Variants in NHS observed in about 807,000 individuals in gnomAD.
NHS encodes the protein actin remodeling regulator NHS.
In NHS, 5 loss-of-function variants were observed where a neutral mutation model predicts 72.5. That is an observed-to-expected ratio of 0.07 (90% CI 0.04 to 0.14). The LOEUF is 0.14. NHS is among the 10% of genes least tolerant of loss of function. The pLI is 1.00. For synonymous variants in NHS, 464 were observed against 547.7 expected, an observed-to-expected ratio of 0.85 and a Z score of 2.13; for missense variants, 1,072 against 1,355.7, an observed-to-expected ratio of 0.79 and a Z score of 3.29.
Position 17,521,366 on chromosome X carries a change from C to CTTTTTTT in NHS, c.565+145051_565+145057dup, listed in dbSNP as rs766662277. ...AGTTCTACCTTTTTCTCCCTTCCCT[C>CTTTTTTT]TTTTTTTTTTTTTGAGACAGGGTCT... On this transcript the variant is annotated intron_variant, in intron 1 of 8. Coordinates refer to ENST00000676302, the MANE Select transcript of NHS (RefSeq NM_001291867.2). 2.0e-4 allele frequency among the ~76,000 whole-genome samples: 19 copies of CTTTTTTT among 97,350 alleles called. 1 individual carries two copies. Among genetic ancestry groups the CTTTTTTT allele is most frequent in the African/African-American group, 7.8e-4 (18 of 23,159 alleles). The allele number at this position is 97,350 out of a possible 115,157, so 84.5% of individuals were successfully genotyped here. A position where few individuals can be genotyped will look rare whatever the true frequency, so the allele number is the denominator to read the frequency against.
chrX:17,381,297 A>G (rs1199984355), intron 1 of NHS, among the ~76,000 whole-genome samples: 2 of 111,924 alleles, frequency 1.8e-5, no homozygotes, highest in Non-Finnish European at 3.8e-5. Context: ...AATAAATTTT[A>G]TATTAAAGTT....
chrX:17,389,094 GAAAAATTT>G (rs2064426218), intron 1 of NHS, among the ~76,000 whole-genome samples: 1 of 111,771 alleles, frequency 8.9e-6, no homozygotes, highest in Admixed American at 9.5e-5. Flanking sequence ...TGCTGTCTTG[GAAAAATTT>G]AAAAAGTGTC....
At chrX:17,469,208 A>G (rs1450138319) in intron 1 of NHS, among the ~76,000 whole-genome samples, 10 of 112,249 alleles carry the variant, frequency 8.9e-5, no homozygotes, top group African/African-American at 2.9e-4. Flanking sequence ...GTATTGATCC[A>G]GTCTGCTCTC....
At chrX:17,595,701 C>T (rs1032193890) in intron 1 of NHS, among the ~76,000 whole-genome samples, 2 of 112,096 alleles carry the variant, frequency 1.8e-5, no homozygotes, top group East Asian at 2.8e-4. Flanking sequence ...AAGAAATAAA[C>T]GGATGTGGGC....
At position 17,375,909 on chromosome X, in the gene NHS, C is replaced by G. The variant is rs727504039; in HGVS notation, c.152C>G (p.Ala51Gly). The G allele has an allele frequency of 1.2e-5, 13 of 1,096,367 alleles. 1 individual carries two copies. In the South Asian group the frequency reaches 2.4e-4, roughly 20 times the overall value. The allele number at this position is 1,096,367 out of a possible 1,213,427, so 90.4% of individuals were successfully genotyped here. Residue 51 changes from alanine (A) to glycine (G), a missense_variant, in exon 1 of 9, where the codon GCG (alanine) becomes GGG (glycine). By Grantham distance (60) the Ala-to-Gly change is moderately conservative. Transcript: ENST00000676302. ...CGGAGGGACCTGGACGAGGTCGAGGCGCCAGGGCCAGAGGAGCCAGCCCGC... is the reference window on the plus strand; with the variant it reads ...CGGAGGGACCTGGACGAGGTCGAGGGGCCAGGGCCAGAGGAGCCAGCCCGC... ...PGRRDLDEVE[A>G]PGPEEPARAV...
chrX:17,557,207 C>A (rs1227795942), intron 1 of NHS: 9 of 102,616 alleles, frequency 8.8e-5, no homozygotes, highest in Admixed American at 1.1e-4. Flanking sequence ...CCTTGGCAGT[C>A]CAGATGTGTG....
intron 1 of NHS, among the ~76,000 whole-genome samples, chrX:17,484,166 AG>A (rs1174745922): frequency 8.9e-6 from 1 of 112,410 alleles, no homozygotes; most frequent in Non-Finnish European, 1.9e-5. Context: ...TTATTTTAAA[AG>A]CCAGTTGTTT....
Position 17,732,779 on chromosome X carries a change from C to A in NHS, c.*315C>A. ...TTCATGACACCTAGAAAACGTTTTC[C>A]CAGAGCTGCCTATTCAGAAACTAAA... On this transcript the variant is annotated 3_prime_UTR_variant, in exon 9 of 9. Coordinates refer to ENST00000676302, the MANE Select transcript of NHS (RefSeq NM_001291867.2). The A allele has an allele frequency of 3.7e-6, 1 of 269,612 alleles. No homozygotes were observed. 22.2% of individuals were successfully genotyped at this position (269,612 alleles called of 1,213,427 possible).
At chrX:17,468,342 A>G (rs1214375662) in intron 1 of NHS, among the ~76,000 whole-genome samples, 2 of 111,008 alleles carry the variant, frequency 1.8e-5, no homozygotes, top group East Asian at 5.7e-4. Flanking sequence ...AGCTTCAGTC[A>G]TATATGAGGG....
At chrX:17,633,376 G>T (rs905510466) in intron 1 of NHS, among the ~76,000 whole-genome samples, 5 of 112,069 alleles carry the variant, frequency 4.5e-5, no homozygotes, top group African/African-American at 6.5e-5. Flanking sequence ...GTCCACAGAA[G>T]AAAACTTCTG....
chrX:17,463,178 C>T (rs1008524623), intron 1 of NHS, among the ~76,000 whole-genome samples: 4 of 111,933 alleles, frequency 3.6e-5, no homozygotes, highest in African/African-American at 6.5e-5. Flanking sequence ...CTGACAACAG[C>T]TTATAAGCTC....
chrX:17,393,364 G>T (rs951908188), intron 1 of NHS, among the ~76,000 whole-genome samples: 6 of 111,832 alleles, frequency 5.4e-5, no homozygotes, highest in African/African-American at 9.8e-5. Flanking sequence ...CAAAGTTCTG[G>T]TGCCTAAAAT....
At chrX:17,404,118 T>C (rs1252250103) in intron 1 of NHS, among the ~76,000 whole-genome samples, 1 of 112,326 alleles carries the variant, frequency 8.9e-6, no homozygotes, top group African/African-American at 3.2e-5. Flanking sequence ...GGTGTAATGC[T>C]GGATGTTTAA....
At chrX:17,471,792 C>T (rs1329790455) in intron 1 of NHS, among the ~76,000 whole-genome samples, 1 of 111,499 alleles carries the variant, frequency 9.0e-6, no homozygotes, top group African/African-American at 3.3e-5. Context: ...AGAATCAAAC[C>T]GTAGGAAGGT....
chrX:17,428,465 C>T (rs1259786581), intron 1 of NHS, among the ~76,000 whole-genome samples: 1 of 111,957 alleles, frequency 8.9e-6, no homozygotes, highest in African/African-American at 3.2e-5. Context: ...AATGATACCT[C>T]GGTTTGGGGC....
intron 1 of NHS, among the ~76,000 whole-genome samples, chrX:17,412,619 G>A (rs1212779751): frequency 9.0e-6 from 1 of 111,256 alleles, no homozygotes; most frequent in Non-Finnish European, 1.9e-5. Context: ...GAGAGAGAGA[G>A]AGAAAACAAA....
chrX:17,700,601 T>C (rs182519668), intron 3 of NHS, among the ~76,000 whole-genome samples: 57 of 112,157 alleles, frequency 5.1e-4, no homozygotes, highest in African/African-American at 1.6e-3. Flanking sequence ...AATTCAAACG[T>C]GGTCCAACCT....
chrX:17,669,383 C>T (rs1286216760), intron 1 of NHS, among the ~76,000 whole-genome samples: 3 of 112,020 alleles, frequency 2.7e-5, no homozygotes, highest in African/African-American at 6.5e-5. Context: ...CAGGAACGAA[C>T]GTAAGCATTG....
chrX:17,718,826 G>T (rs1365021536), intron 3 of NHS, among the ~76,000 whole-genome samples: 2 of 88,405 alleles, frequency 2.3e-5, no homozygotes, highest in Non-Finnish European at 4.4e-5. Flanking sequence ...AAGGTAGGAA[G>T]GGAAAGAAGA....
Sources: gnomAD v4.1 joint callset for allele counts (sites outside exome capture counted in the v4.1 genomes callset) on GRCh38, gnomAD v4.1.1 for gene constraint, MANE v1.5 for transcripts, NCBI Gene and HGNC (gene_info 2026-07-23, HGNC 2026-07-21) for gene names.